The following VPS50 variants were observed in gnomAD, a reference collection of about 807,000 sequenced individuals.
The protein encoded by VPS50 is VPS50 subunit of EARP/GARPII complex.
In VPS50, 70 loss-of-function variants were observed where a neutral mutation model predicts 139.7. That is an observed-to-expected ratio of 0.50 (90% CI 0.41 to 0.61). The LOEUF (loss-of-function observed/expected upper bound fraction) is 0.61, where lower values mean the gene tolerates loss of function less well. VPS50 is among the 20% of genes least tolerant of loss of function. The pLI is 0.00. For missense variants in VPS50, 921 were observed against 1,133.7 expected, an observed-to-expected ratio of 0.81 and a Z score of 2.69; for synonymous variants, 365 against 376.7, an observed-to-expected ratio of 0.97 and a Z score of 0.36.
chr7:93,341,343 A>G (rs1798203927), intron 22 of VPS50, 84 bp from the exon 23 acceptor site: 1 of 868,874 alleles, frequency 1.2e-6, no homozygotes, highest in Non-Finnish European at 1.8e-6. Flanking sequence ...GAGTATTTTA[A>G]TTTTAATTCT....
At chr7:93,240,821 G>A (rs1584376114) in intron 2 of VPS50, among the ~76,000 whole-genome samples, 2 of 152,120 alleles carry the variant, frequency 1.3e-5, no homozygotes, top group East Asian at 3.9e-4. Context: ...TCTTTCAGGT[G>A]CCTTACCTGC....
At chr7:93,334,003 C>G in intron 21 of VPS50, 114 bp from the exon 22 acceptor site, 1 of 704,666 alleles carries the variant, frequency 1.4e-6, no homozygotes. Flanking sequence ...ATTTGGAAAC[C>G]CTCTGAAGGC....
chr7:93,258,914 G>A (rs975957947), intron 8 of VPS50, among the ~76,000 whole-genome samples: 4 of 151,910 alleles, frequency 2.6e-5, no homozygotes, highest in Admixed American at 2.0e-4. Flanking sequence ...CATCACCAGT[G>A]GTTTGAATTG....
intron 11 of VPS50, chr7:93,273,333 T>C (rs903928015): frequency 3.9e-5 from 6 of 152,102 alleles, no homozygotes; most frequent in Non-Finnish European, 7.4e-5. Flanking sequence ...ATCTTTTGTT[T>C]GTATAGGATT....
At chr7:93,333,818 A>C (rs1797999091) in intron 21 of VPS50, 1 of 334,918 alleles carries the variant, frequency 3.0e-6, no homozygotes, top group African/African-American at 2.2e-5. Context: ...CTAAAATCTC[A>C]AGTTTTGCAA....
chr7:93,284,317 G>A (rs748665011), intron 12 of VPS50, among the ~76,000 whole-genome samples: 2 of 152,044 alleles, frequency 1.3e-5, no homozygotes, highest in Non-Finnish European at 2.9e-5. Flanking sequence ...CAGCGTGAGG[G>A]TTAATAGCAT....
chr7:93,304,284 A>C (rs1414516521), intron 17 of VPS50, among the ~76,000 whole-genome samples: 3 of 151,786 alleles, frequency 2.0e-5, no homozygotes, highest in Non-Finnish European at 4.4e-5. Context: ...GTGGCTTTCT[A>C]GAAAGCAATT....
chr7:93,323,466 A>C, intron 20 of VPS50, 145 bp from the exon 21 acceptor site: 1 of 258,952 alleles, frequency 3.9e-6, no homozygotes, highest in Non-Finnish European at 7.0e-6. Flanking sequence ...ACTACTGAGT[A>C]CTTGAGACAT....
chr7:93,240,250 C>CAT (rs1491153066), intron 2 of VPS50, among the ~76,000 whole-genome samples: 3 of 110,538 alleles, frequency 2.7e-5, no homozygotes, highest in African/African-American at 1.1e-4. Flanking sequence ...CACACACACA[C>CAT]TCTCTCTCTC....
intron 9 of VPS50, among the ~76,000 whole-genome samples, chr7:93,263,410 A>G (rs1014871018): frequency 6.6e-6 from 1 of 152,220 alleles, no homozygotes; most frequent in Non-Finnish European, 1.5e-5. Flanking sequence ...GAATCACCCC[A>G]TGATATAGAA....
chr7:93,330,832 A>T (rs1043397758), intron 21 of VPS50, among the ~76,000 whole-genome samples: 7 of 152,018 alleles, frequency 4.6e-5, no homozygotes, highest in African/African-American at 1.7e-4. Flanking sequence ...GATAAGAAAT[A>T]TAAGGCATAT....
intron 22 of VPS50, 45 bp from the exon 23 acceptor site, chr7:93,341,382 C>A: frequency 1.4e-6 from 2 of 1,404,510 alleles, no homozygotes; most frequent in Non-Finnish European, 2.0e-6. Flanking sequence ...TGGTTTATTA[C>A]TGTTAGATTT....
intron 9 of VPS50, among the ~76,000 whole-genome samples, chr7:93,269,164 G>A (rs918748431): frequency 6.6e-6 from 1 of 152,076 alleles, no homozygotes; most frequent in Admixed American, 6.6e-5. Flanking sequence ...ATTTGAAAGT[G>A]TTAAGATACT....
intron 1 of VPS50, among the ~76,000 whole-genome samples, chr7:93,233,088 T>A (rs1794686253): frequency 6.6e-6 from 1 of 152,260 alleles, no homozygotes; most frequent in Non-Finnish European, 1.5e-5. Context: ...TTAAAAAATT[T>A]ATTTTTGTCA....
intron 23 of VPS50, among the ~76,000 whole-genome samples, chr7:93,347,419 G>T (rs1351435503): frequency 8.5e-6 from 1 of 117,836 alleles, no homozygotes; most frequent in Non-Finnish European, 1.7e-5. Context: ...TCAGTGTGGC[G>T]ATTCCTCAGG....
chr7:93,261,890 C>T (rs1562856992), intron 9 of VPS50, among the ~76,000 whole-genome samples: 1 of 151,956 alleles, frequency 6.6e-6, no homozygotes, highest in Non-Finnish European at 1.5e-5. Flanking sequence ...AGTTACCAAG[C>T]AAAATGAAGA....
chr7:93,327,343 C>A (rs1296266104), intron 21 of VPS50, among the ~76,000 whole-genome samples: 1 of 151,956 alleles, frequency 6.6e-6, no homozygotes. Context: ...CAGAACAGTT[C>A]CAGACCACAT....
At chr7:93,308,527 G>A (rs1489004378) in intron 18 of VPS50, among the ~76,000 whole-genome samples, 1 of 151,720 alleles carries the variant, frequency 6.6e-6, no homozygotes, top group Non-Finnish European at 1.5e-5. Flanking sequence ...AAAAAAATGC[G>A]AATGTATACT....
intron 12 of VPS50, among the ~76,000 whole-genome samples, chr7:93,277,976 A>G (rs1363397927): frequency 6.6e-6 from 1 of 152,124 alleles, no homozygotes. Context: ...TTATGTTAGC[A>G]ATTTTTTTCT....
Sources: allele counts gnomAD v4.1 joint callset (sites outside exome capture counted in the v4.1 genomes callset), GRCh38; gene constraint gnomAD v4.1.1; transcripts MANE v1.5; gene names NCBI Gene and HGNC (gene_info 2026-07-23, HGNC 2026-07-21).